PARD3B: variants seen among roughly 807,000 people sequenced by gnomAD.
The protein encoded by PARD3B is partitioning defective 3 homolog B.
In PARD3B, 103 loss-of-function variants were observed where a neutral mutation model predicts 130.2. The observed-to-expected ratio is 0.79, with a 90% CI of 0.67 to 0.93. PARD3B has a LOEUF of 0.93. PARD3B is among the 40% of genes least tolerant of loss of function. The pLI, the probability that PARD3B is intolerant of heterozygous loss-of-function variation, is 0.00. For missense variants in PARD3B, 1,609 were observed against 1,499.2 expected, an observed-to-expected ratio of 1.07 and a Z score of -1.21; for synonymous variants, 583 against 553.2, an observed-to-expected ratio of 1.05 and a Z score of -0.76.
intron 1 of PARD3B, among the ~76,000 whole-genome samples, chr2:204,649,436 T>TAAACCACCCATCCC: frequency 6.6e-6 from 1 of 152,178 alleles, no homozygotes. Flanking sequence ...GCATGAGTTC[T>TAAACCACCCATCCC]AAACCACCCA....
Position 205,230,481 on chromosome 2 carries a change from C to G in PARD3B, c.2141-15297C>G, listed in dbSNP as rs1188004335. Among the ~76,000 whole-genome samples the G allele has an allele frequency of 6.6e-6, 1 of 152,158 alleles. No homozygotes were observed. Among genetic ancestry groups the G allele is most frequent in the African/African-American group, 2.4e-5 (1 of 41,442 alleles). On this transcript the variant is annotated intron_variant, in intron 15 of 22. Transcript: ENST00000406610. The surrounding 1 kb of genome is among the most constrained non-coding windows in gnomAD (Gnocchi z 4.1). Reference sequence around the variant, plus strand: ...CCAGGACTCTGCCCAGTGCCCCCTACTGTGGTAGAGCTAGGATTCAAGTTG... The same window carrying G: ...CCAGGACTCTGCCCAGTGCCCCCTAGTGTGGTAGAGCTAGGATTCAAGTTG...
At chr2:204,670,793 A>C (rs943600701) in intron 1 of PARD3B, among the ~76,000 whole-genome samples, 5 of 152,110 alleles carry the variant, frequency 3.3e-5, no homozygotes, top group Non-Finnish European at 5.9e-5. Flanking sequence ...GTCTCGTGCA[A>C]ACTTTTGGTT....
chr2:204,641,220 G>A (rs946610883), intron 1 of PARD3B, among the ~76,000 whole-genome samples: 9 of 149,450 alleles, frequency 6.0e-5, no homozygotes, highest in Admixed American at 4.7e-4. Flanking sequence ...ATATGTAAAT[G>A]TATATATAAT....
intron 18 of PARD3B, among the ~76,000 whole-genome samples, chr2:205,313,552 G>A (rs1194344437): frequency 3.3e-5 from 5 of 152,024 alleles, no homozygotes; most frequent in South Asian, 2.1e-4. Context: ...TGTCCAAAGC[G>A]GTAAAATGAT....
intron 16 of PARD3B, among the ~76,000 whole-genome samples, chr2:205,290,263 G>A (rs1181657811): frequency 6.6e-6 from 1 of 152,202 alleles, no homozygotes; most frequent in African/African-American, 2.4e-5. Flanking sequence ...ATTCTCTGGT[G>A]TTATTAGTTC....
chr2:205,372,488 T>C (rs1255575281), intron 18 of PARD3B, among the ~76,000 whole-genome samples: 1 of 152,222 alleles, frequency 6.6e-6, no homozygotes. Context: ...AAGAAATGTC[T>C]ATCAGTTTCC....
At chr2:204,791,035 G>T (rs1357153545) in intron 2 of PARD3B, among the ~76,000 whole-genome samples, 1 of 152,080 alleles carries the variant, frequency 6.6e-6, no homozygotes, top group Admixed American at 6.6e-5. Flanking sequence ...AACCCGGGAA[G>T]CAGAGGTTGC....
chr2:205,227,704 T>G (rs905892687), intron 15 of PARD3B, among the ~76,000 whole-genome samples: 1 of 152,092 alleles, frequency 6.6e-6, no homozygotes, highest in Non-Finnish European at 1.5e-5. Flanking sequence ...ATAAGTAAGG[T>G]CTTACTCTTG....
chr2:204,953,420 C>CAGAGAGAGAG (rs138644226), intron 2 of PARD3B, among the ~76,000 whole-genome samples: 142 of 123,292 alleles, frequency 1.2e-3, no homozygotes, highest in Non-Finnish European at 1.6e-3. Flanking sequence ...TACACACACA[C>CAGAGAGAGAG]AGAGAGAGAG....
chr2:205,148,727 C>CT (rs199501785), intron 10 of PARD3B, among the ~76,000 whole-genome samples: 202 of 151,076 alleles, frequency 1.3e-3, no homozygotes, highest in South Asian at 3.6e-3. Context: ...AAAAGTTATT[C>CT]TTTTTTTAAA....
intron 1 of PARD3B, among the ~76,000 whole-genome samples, chr2:204,605,645 G>T (rs1403981611): frequency 6.6e-6 from 1 of 152,064 alleles, no homozygotes; most frequent in Non-Finnish European, 1.5e-5. Flanking sequence ...GAGACTCTCT[G>T]GGTTCGTGTC....
Position 205,183,099 on chromosome 2 carries a change from A to G in PARD3B, c.1925-2665A>G, listed in dbSNP as rs559418400. On this transcript the variant is annotated intron_variant, in intron 13 of 22. Transcript: ENST00000406610. The surrounding 1 kb of genome is among the most constrained non-coding windows in gnomAD (Gnocchi z 5.2). ...TGGCAACAGCGAAGGCTTCATAGTA[A>G]AAGTGATATTTGGGTGGACCTTGGG... Among the ~76,000 whole-genome samples, 1 of 152,108 alleles carries G rather than the reference A, an allele frequency of 6.6e-6. No homozygotes were observed. The highest frequency in any genetic ancestry group is 2.4e-5 in the African/African-American group (1 of 41,402).
At chr2:205,581,271 G>GAT (rs1428166998) in intron 22 of PARD3B, among the ~76,000 whole-genome samples, 114 of 131,170 alleles carry the variant, frequency 8.7e-4, no homozygotes, top group African/African-American at 2.3e-3. Context: ...GATATAGATA[G>GAT]ATAGATATAG....
At chr2:205,478,289 C>G (rs963049458) in intron 20 of PARD3B, among the ~76,000 whole-genome samples, 2 of 152,190 alleles carry the variant, frequency 1.3e-5, no homozygotes, top group Non-Finnish European at 2.9e-5. Context: ...GTCTGTGTGT[C>G]TCTCCTCCCT....
intron 2 of PARD3B, 132 bp downstream of exon 2, chr2:204,686,414 C>A (rs1574704326): frequency 1.5e-6 from 1 of 681,378 alleles, no homozygotes; most frequent in Non-Finnish European, 2.5e-6. Context: ...TTCACCTGGA[C>A]AGCCCATAAA....
intron 2 of PARD3B, among the ~76,000 whole-genome samples, chr2:204,868,181 T>C (rs1294225110): frequency 6.6e-6 from 1 of 152,190 alleles, no homozygotes; most frequent in Non-Finnish European, 1.5e-5. Flanking sequence ...GCTCTATAAA[T>C]AGATAGGGAC....
chr2:204,994,546 T>G (rs1284657222), intron 3 of PARD3B, among the ~76,000 whole-genome samples: 3 of 144,644 alleles, frequency 2.1e-5, no homozygotes, highest in Admixed American at 1.4e-4. Context: ...CTGAAAAAAA[T>G]GTATATTCTG....
chr2:204,901,461 A>G (rs1575255050), intron 2 of PARD3B, among the ~76,000 whole-genome samples: 1 of 150,370 alleles, frequency 6.7e-6, no homozygotes, highest in Admixed American at 6.6e-5. Context: ...GGTAAATGCT[A>G]CCAGGCCTGG....
chr2:204,600,911 C>T (rs1304284552), intron 1 of PARD3B, among the ~76,000 whole-genome samples: 2 of 151,652 alleles, frequency 1.3e-5, no homozygotes, highest in Non-Finnish European at 1.5e-5. Context: ...TTCTGTCCAA[C>T]TGTTTAGTTT....
Sources: allele counts gnomAD v4.1 joint callset (sites outside exome capture counted in the v4.1 genomes callset), GRCh38; gene constraint gnomAD v4.1.1; non-coding constraint Gnocchi (gnomAD v3.1); transcripts MANE v1.5; gene names NCBI Gene and HGNC (gene_info 2026-07-23, HGNC 2026-07-21).